Variants in ADK observed in about 807,000 individuals in gnomAD.
ADK encodes the protein adenosine kinase, also known as N6,N6-dimethyladenosine kinase.
In ADK, 24 loss-of-function variants were observed where a neutral mutation model predicts 44.7. The observed-to-expected ratio is 0.54, with a 90% confidence interval of 0.39 to 0.76. The LOEUF (loss-of-function observed/expected upper bound fraction) is 0.76. ADK is among the 30% of genes least tolerant of loss of function. The probability of loss-of-function intolerance (pLI) is 0.00; values close to 1 mark genes in which losing one functional copy is unlikely to be tolerated. For synonymous variants in ADK, 128 were observed against 142.6 expected, an observed-to-expected ratio of 0.90 and a Z score of 0.73; for missense variants, 321 against 425.1, an observed-to-expected ratio of 0.76 and a Z score of 2.15.
At chr10:74,176,395 C>T in intron 1 of ADK, 12 of 961,868 alleles carry the variant, frequency 1.2e-5, no homozygotes, top group Non-Finnish European at 1.5e-5. Flanking sequence ...AAGACCTGCC[C>T]TGACAGCGCC....
intron 6 of ADK, among the ~76,000 whole-genome samples, chr10:74,506,847 C>G (rs920444864): frequency 6.6e-6 from 1 of 152,092 alleles, no homozygotes; most frequent in Non-Finnish European, 1.5e-5. Flanking sequence ...GAGTTCATGA[C>G]ATACTTAACA....
intron 2 of ADK, among the ~76,000 whole-genome samples, chr10:74,206,648 T>G (rs1843608221): frequency 6.6e-6 from 1 of 152,240 alleles, no homozygotes; most frequent in Non-Finnish European, 1.5e-5. Flanking sequence ...GTGTTGTTAT[T>G]TTGGTGAACA....
intron 9 of ADK, among the ~76,000 whole-genome samples, chr10:74,609,612 T>C (rs79620170): frequency 0.022 from 3,281 of 152,168 alleles, 134 homozygotes; most frequent in African/African-American, 0.075. Context: ...GACTCTCAGT[T>C]GGAAATGTAG....
chr10:74,184,973 G>T (rs1842692542), intron 1 of ADK, among the ~76,000 whole-genome samples: 1 of 152,140 alleles, frequency 6.6e-6, no homozygotes, highest in South Asian at 2.1e-4. Flanking sequence ...TTTGAAATTA[G>T]GGATTATTTG....
At chr10:74,501,437 A>G (rs1213549726) in intron 6 of ADK, among the ~76,000 whole-genome samples, 2 of 152,208 alleles carry the variant, frequency 1.3e-5, no homozygotes, top group African/African-American at 4.8e-5. Context: ...CAGAAGTTAC[A>G]ATTAGTTTCA....
At chr10:74,312,913 CCA>C (rs1840489543) in intron 3 of ADK, among the ~76,000 whole-genome samples, 1 of 752 alleles carries the variant, frequency 1.3e-3, no homozygotes, top group African/African-American at 3.4e-3. Context: ...GATTCTGTCT[CCA>C]AAAAAAAAAA....
chr10:74,622,868 G>T (rs577429836), intron 9 of ADK, among the ~76,000 whole-genome samples: 112 of 152,220 alleles, frequency 7.4e-4, no homozygotes, highest in Non-Finnish European at 1.3e-3. Flanking sequence ...TAAGCCAGGT[G>T]TGGTGGTGCA....
intron 9 of ADK, among the ~76,000 whole-genome samples, chr10:74,616,468 T>C (rs1852764129): frequency 6.6e-6 from 1 of 152,214 alleles, no homozygotes; most frequent in South Asian, 2.1e-4. Context: ...CCTGGCATCA[T>C]TCATTGACAG....
At chr10:74,466,517 C>G (rs1201653525) in intron 6 of ADK, among the ~76,000 whole-genome samples, 1 of 152,088 alleles carries the variant, frequency 6.6e-6, no homozygotes, top group East Asian at 1.9e-4. Flanking sequence ...GTTATCATCT[C>G]AAAGGGAAAA....
chr10:74,399,360 A>T (rs1016318314), intron 6 of ADK, among the ~76,000 whole-genome samples: 1 of 151,316 alleles, frequency 6.6e-6, no homozygotes, highest in Non-Finnish European at 1.5e-5. Context: ...TAAAAAATTG[A>T]TTACCCTACT....
At chr10:74,690,045 G>T (rs772238318) in intron 10 of ADK, among the ~76,000 whole-genome samples, 2 of 152,178 alleles carry the variant, frequency 1.3e-5, no homozygotes, top group Non-Finnish European at 2.9e-5. Context: ...TTTCTGGAAA[G>T]AATTTTACAG....
At chr10:74,192,644 A>G (rs1438347754) in intron 1 of ADK, among the ~76,000 whole-genome samples, 2 of 151,832 alleles carry the variant, frequency 1.3e-5, no homozygotes, top group Non-Finnish European at 2.9e-5. Flanking sequence ...CTCCCACCTC[A>G]GCTTCCTGAG....
intron 6 of ADK, among the ~76,000 whole-genome samples, chr10:74,489,678 A>ATTT (rs555821011): frequency 1.1e-4 from 16 of 147,464 alleles, no homozygotes; most frequent in African/African-American, 3.9e-4. Flanking sequence ...GGATGTCATA[A>ATTT]TTTTTTTTTT....
chr10:74,176,877 C>T (rs1009177542), intron 1 of ADK: 1 of 1,609,920 alleles, frequency 6.2e-7, no homozygotes, highest in Non-Finnish European at 8.5e-7. Flanking sequence ...GAAGCCATGA[C>T]GTCAGTCAGG....
chr10:74,424,869 T>A lies in ADK; in HGVS notation c.555+26290T>A, dbSNP rs147737382. Among the ~76,000 whole-genome samples the A allele has an allele frequency of 3.0e-4, 45 of 152,328 alleles. No individual in the cohort carries two copies. In the East Asian group the frequency reaches 5.6e-3, roughly 19 times the overall value. Reference sequence around the variant, plus strand: ...TTTCATTTCTTCCCCTGAAATCAGTTTACTTTATCATTTTGATAAACTCAT... The same window carrying A: ...TTTCATTTCTTCCCCTGAAATCAGTATACTTTATCATTTTGATAAACTCAT... On this transcript the variant is annotated intron_variant, in intron 6 of 10. Transcript: ENST00000539909.
intron 9 of ADK, among the ~76,000 whole-genome samples, chr10:74,622,092 A>G (rs947079867): frequency 6.6e-6 from 1 of 152,182 alleles, no homozygotes; most frequent in Non-Finnish European, 1.5e-5. Context: ...CCTTGAGTAG[A>G]GTATTTCCTC....
chr10:74,272,017 A>C (rs544837493), intron 3 of ADK, among the ~76,000 whole-genome samples: 3 of 152,240 alleles, frequency 2.0e-5, no homozygotes, highest in African/African-American at 7.2e-5. Context: ...TATTCTGAAT[A>C]TACTTATGTT....
At chr10:74,664,876 A>T (rs1385370003) in intron 9 of ADK, among the ~76,000 whole-genome samples, 1 of 152,162 alleles carries the variant, frequency 6.6e-6, no homozygotes, top group East Asian at 1.9e-4. Context: ...TCTGGACTGA[A>T]TTCTATACCA....
chr10:74,232,802 T>A (rs1046218711), intron 3 of ADK, among the ~76,000 whole-genome samples: 13 of 152,020 alleles, frequency 8.6e-5, no homozygotes, highest in Non-Finnish European at 1.9e-4. Flanking sequence ...ATTTTTCTAT[T>A]TTTAGTAGAG....
Sources: allele counts gnomAD v4.1 joint callset (sites outside exome capture counted in the v4.1 genomes callset), GRCh38; gene constraint gnomAD v4.1.1; transcripts MANE v1.5; gene names NCBI Gene and HGNC (gene_info 2026-07-23, HGNC 2026-07-21).